The following TRPM7 variants were observed in gnomAD, a reference collection of about 807,000 sequenced individuals.
TRPM7 encodes transient receptor potential cation channel subfamily M member 7.
Under a neutral mutation model 229.7 loss-of-function variants are expected in TRPM7, and 134 were observed. The observed-to-expected ratio is 0.58, with a 90% CI of 0.51 to 0.67. The LOEUF is 0.67. Ranked by LOEUF, TRPM7 falls within the 30% of genes least tolerant of loss-of-function variation. TRPM7 has a pLI of 0.00. For synonymous variants in TRPM7, 699 were observed against 715.2 expected (o/e 0.98, Z 0.36); for missense variants, 1,901 against 2,210.0 (o/e 0.86, Z 2.80).
At chr15:50,652,516 ACT>A (rs1291270422) in intron 3 of TRPM7, among the ~76,000 whole-genome samples, 3 of 125,778 alleles carry the variant, frequency 2.4e-5, no homozygotes, top group African/African-American at 8.5e-5. Flanking sequence ...ATACAGCAAG[ACT>A]CTGTCTCAAA....
Position 50,632,257 on chromosome 15 carries a change from C to G in TRPM7, c.1131+612G>C, listed in dbSNP as rs567471080. Among the ~76,000 whole-genome samples, 3 of 151,292 alleles carry G rather than the reference C, an allele frequency of 2.0e-5. No individual in the cohort carries two copies. The South Asian group carries it at 6.3e-4, about 32-fold the overall frequency. Reference sequence around the variant, plus strand: ...GCAGTGAGCTGAGATTGCACCACGGCACTCCAGCTTGAGCAATGGAGCGAG... The same window carrying G: ...GCAGTGAGCTGAGATTGCACCACGGGACTCCAGCTTGAGCAATGGAGCGAG... On this transcript the variant is annotated intron_variant, in intron 9 of 38. Coordinates refer to ENST00000646667, the MANE Select transcript of TRPM7 (RefSeq NM_017672.6).
At chr15:50,661,532 C>A (rs189082632) in intron 2 of TRPM7, among the ~76,000 whole-genome samples, 2 of 151,858 alleles carry the variant, frequency 1.3e-5, no homozygotes, top group Non-Finnish European at 2.9e-5. Flanking sequence ...GTGAGAGATC[C>A]GTTCAAAGTT....
At chr15:50,641,158 C>T (rs1380236745) in intron 5 of TRPM7, among the ~76,000 whole-genome samples, 2 of 152,160 alleles carry the variant, frequency 1.3e-5, no homozygotes, top group Non-Finnish European at 2.9e-5. Flanking sequence ...GTGATCTTTG[C>T]AGCTGTTGAC....
At chr15:50,581,318 G>A (rs1283850848) in intron 29 of TRPM7, among the ~76,000 whole-genome samples, 1 of 151,930 alleles carries the variant, frequency 6.6e-6, no homozygotes, top group Non-Finnish European at 1.5e-5. Flanking sequence ...GGCCAATCTG[G>A]TGAAACCTCG....
At chr15:50,670,287 T>C (rs1379932872) in intron 1 of TRPM7, among the ~76,000 whole-genome samples, 1 of 152,086 alleles carries the variant, frequency 6.6e-6, no homozygotes, top group Non-Finnish European at 1.5e-5. Flanking sequence ...CCATCTTGAA[T>C]AGGGGCTGAG....
At chr15:50,567,478 T>C (rs2053653316) in intron 38 of TRPM7, among the ~76,000 whole-genome samples, 1 of 152,142 alleles carries the variant, frequency 6.6e-6, no homozygotes. Context: ...TTATAAGTAT[T>C]ATCCTAATAC....
chr15:50,604,739 G>A (rs553323656), intron 21 of TRPM7, 127 bp downstream of exon 21: 58 of 915,310 alleles, frequency 6.3e-5, no homozygotes, highest in Non-Finnish European at 9.1e-5. Flanking sequence ...CAGATGTGAA[G>A]TATGAGGCAA....
chr15:50,668,338 A>T (rs1052559658), intron 1 of TRPM7, among the ~76,000 whole-genome samples: 1 of 152,106 alleles, frequency 6.6e-6, no homozygotes, highest in Non-Finnish European at 1.5e-5. Context: ...AACGTCGCTG[A>T]TCCTTTATTT....
chr15:50,677,957 T>C (rs1452476593), intron 1 of TRPM7, among the ~76,000 whole-genome samples: 1 of 150,390 alleles, frequency 6.6e-6, no homozygotes. Context: ...ACCTAGAAAT[T>C]GGCTGGGCGC....
chr15:50,624,476 T>C (rs2060502842), intron 11 of TRPM7, among the ~76,000 whole-genome samples, 176 bp from the exon 12 acceptor site: 1 of 152,182 alleles, frequency 6.6e-6, no homozygotes, highest in Admixed American at 6.5e-5. Context: ...GGGAATAGAT[T>C]AAAAGACCTC....
chr15:50,579,682 G>A (rs563053893), intron 30 of TRPM7, among the ~76,000 whole-genome samples: 3 of 152,160 alleles, frequency 2.0e-5, no homozygotes, highest in Non-Finnish European at 4.4e-5. Context: ...CTGACTATAG[G>A]TGGGCCTTCC....
chr15:50,606,234 C>T (rs2059914254), intron 20 of TRPM7, among the ~76,000 whole-genome samples: 1 of 151,974 alleles, frequency 6.6e-6, no homozygotes, highest in Non-Finnish European at 1.5e-5. Context: ...CAAAAATTAG[C>T]CAGGCTTGGT....
Position 50,614,229 on chromosome 15 carries a change from A to G in TRPM7, c.1529T>C (p.Ile510Thr). Residue 510 changes from isoleucine to threonine, a missense_variant, in exon 14 of 39, where the codon ATT (isoleucine) becomes ACT (threonine). By Grantham distance (89) the Ile-to-Thr change is moderately conservative. Around this residue, in one of 8 missense-constraint regions of TRPM7, gnomAD observed 794 missense variants for 881.9 expected, o/e 0.90. Coordinates refer to ENST00000646667, the MANE Select transcript of TRPM7 (RefSeq NM_017672.6). Reference protein sequence around the residue: ...NLPPGYKITLIDIGLVIEYLM... With the variant: ...NLPPGYKITLTDIGLVIEYLM... Reference sequence around the variant, plus strand: ...ATATTCAATAACAAGTCCTATATCAATCAGAGTGATCTTATATCCTGGAGG... The same window carrying G: ...ATATTCAATAACAAGTCCTATATCAGTCAGAGTGATCTTATATCCTGGAGG... 1 of 1,611,006 alleles carries G rather than the reference A, an allele frequency of 6.2e-7. No homozygotes were observed. Among genetic ancestry groups the G allele is most frequent in the Non-Finnish European group, 8.5e-7 (1 of 1,178,830 alleles).
chr15:50,579,267 G>T (rs753614762), intron 30 of TRPM7, among the ~76,000 whole-genome samples: 9 of 152,156 alleles, frequency 5.9e-5, no homozygotes, highest in Non-Finnish European at 8.8e-5. Context: ...AAGGAAAACG[G>T]GTTAGAGGCT....
At chr15:50,662,093 G>A (rs1242247095) in intron 2 of TRPM7, among the ~76,000 whole-genome samples, 2 of 152,042 alleles carry the variant, frequency 1.3e-5, no homozygotes, top group African/African-American at 4.8e-5. Context: ...GGTGGCTCAC[G>A]CCTGTAATCC....
chr15:50,646,948 T>C (rs932346721), intron 4 of TRPM7, among the ~76,000 whole-genome samples: 2 of 152,180 alleles, frequency 1.3e-5, no homozygotes, highest in African/African-American at 2.4e-5. Flanking sequence ...CTAAAAGCAA[T>C]AGGCTATACC....
At chr15:50,648,436 T>A (rs2061330758) in intron 4 of TRPM7, among the ~76,000 whole-genome samples, 1 of 152,182 alleles carries the variant, frequency 6.6e-6, no homozygotes, top group African/African-American at 2.4e-5. Context: ...GGAAGAAAGA[T>A]GGCTTAACTA....
chr15:50,612,673 G>C lies in TRPM7; in HGVS notation c.1927C>G (p.Gln643Glu). ...KRQVMARFLWQHGEESMAKAL... is the reference protein window; with the variant it reads ...KRQVMARFLWEHGEESMAKAL... Reference sequence around the variant, plus strand: ...TTAGCCATTGATTCTTCACCATGTTGCCATAAAAAACGGGCCATGACCTGC... The same window carrying C: ...TTAGCCATTGATTCTTCACCATGTTCCCATAAAAAACGGGCCATGACCTGC... The change falls in exon 16 of 39, where the codon CAA (glutamine) becomes GAA (glutamate). Residue 643 changes from glutamine (Q) to glutamate (E), a missense_variant. Physicochemically the swap from Gln to Glu is conservative, Grantham distance 29. Coordinates refer to ENST00000646667, the MANE Select transcript of TRPM7 (RefSeq NM_017672.6). 1 of 1,614,094 alleles carries C rather than the reference G, an allele frequency of 6.2e-7. No homozygotes were observed. The highest frequency in any genetic ancestry group is 8.5e-7 in the Non-Finnish European group (1 of 1,180,014).
intron 1 of TRPM7, among the ~76,000 whole-genome samples, chr15:50,663,616 C>T (rs1391712173): frequency 6.6e-6 from 1 of 152,118 alleles, no homozygotes; most frequent in Non-Finnish European, 1.5e-5. Flanking sequence ...TTGAGATTCC[C>T]ACTACGAACC....
Sources: gnomAD v4.1 joint callset for allele counts (sites outside exome capture counted in the v4.1 genomes callset) on GRCh38, gnomAD v4.1.1 for gene constraint, gnomAD v4.1.1 regional missense constraint, MANE v1.5 for transcripts, NCBI Gene and HGNC (gene_info 2026-07-23, HGNC 2026-07-21) for gene names.